The following NT5DC3 variants were observed in gnomAD, a reference collection of about 807,000 sequenced individuals.
NT5DC3 encodes the protein 5'-nucleotidase domain containing 3.
Under a neutral mutation model 67.8 loss-of-function variants are expected in NT5DC3, and 42 were observed. That is an observed-to-expected ratio of 0.62 (90% CI 0.48 to 0.80). The LOEUF (loss-of-function observed/expected upper bound fraction) is 0.80. NT5DC3 is among the 30% of genes least tolerant of loss of function. The pLI is 0.00. For missense variants in NT5DC3, 570 were observed against 696.4 expected (o/e 0.82, Z 2.04); for synonymous variants, 237 against 255.6 (o/e 0.93, Z 0.69).
At chr12:103,818,145 G>C (rs919285862) in intron 1 of NT5DC3, among the ~76,000 whole-genome samples, 1 of 152,142 alleles carries the variant, frequency 6.6e-6, no homozygotes, top group Admixed American at 6.6e-5. Flanking sequence ...CCTATTCATG[G>C]CTCCCAATTA....
intron 2 of NT5DC3, among the ~76,000 whole-genome samples, chr12:103,809,628 T>C (rs908257698): frequency 1.3e-5 from 2 of 152,186 alleles, no homozygotes; most frequent in Non-Finnish European, 2.9e-5. Context: ...AGAACTCGGC[T>C]TTATAACACC....
intron 9 of NT5DC3, among the ~76,000 whole-genome samples, chr12:103,791,380 C>T (rs1440287371): frequency 6.6e-6 from 1 of 152,114 alleles, no homozygotes; most frequent in Non-Finnish European, 1.5e-5. Flanking sequence ...GGCCCCCAAC[C>T]TCCCCCACTT....
At chr12:103,778,989 G>C (rs147950006) in intron 13 of NT5DC3, among the ~76,000 whole-genome samples, 79 of 152,120 alleles carry the variant, frequency 5.2e-4, no homozygotes, top group African/African-American at 2.7e-4. Flanking sequence ...GTACACAGAG[G>C]AATACGGAAT....
chr12:103,827,727 C>T (rs1454348765), intron 1 of NT5DC3, among the ~76,000 whole-genome samples: 1 of 152,086 alleles, frequency 6.6e-6, no homozygotes, highest in African/African-American at 2.4e-5. Flanking sequence ...CCTATAAAAC[C>T]CAGCTTGATC....
Position 103,777,496 on chromosome 12 carries a change from T to C in NT5DC3, c.*333A>G. On this transcript the variant is annotated 3_prime_UTR_variant, in exon 14 of 14. Coordinates refer to ENST00000392876, the MANE Select transcript of NT5DC3 (RefSeq NM_001031701.3). Reference sequence around the variant, plus strand: ...GTTCCATGGAGGAGTCAAGAACCGTTTCAAGCTTGACCTGCTAGAATACAG... The same window carrying C: ...GTTCCATGGAGGAGTCAAGAACCGTCTCAAGCTTGACCTGCTAGAATACAG... 3.3e-6 allele frequency: 1 copy of C among 300,138 alleles called. No homozygotes were observed. The highest frequency in any genetic ancestry group is 6.2e-6 in the Non-Finnish European group (1 of 161,744). The allele number at this position is 300,138 out of a possible 1,614,324, so 18.6% of individuals were successfully genotyped here. A position where few individuals can be genotyped will look rare whatever the true frequency, so the allele number is the denominator to read the frequency against.
chr12:103,756,221 C>T, the NT5DC3 span, among the ~76,000 whole-genome samples: 37,225 of 152,100 alleles, frequency 0.24, 5,103 homozygotes, highest in East Asian at 0.48. Context: ...CTTAAAGTCA[C>T]GTCAATATTC....
chr12:103,807,122 T>A (rs1006270908), intron 2 of NT5DC3, among the ~76,000 whole-genome samples, 193 bp from the exon 3 acceptor site: 2 of 152,148 alleles, frequency 1.3e-5, no homozygotes, highest in African/African-American at 4.8e-5. Context: ...GCCAGAGCCT[T>A]CCATCCTGCC....
the NT5DC3 span, chr12:103,763,454 G>A: frequency 6.3e-7 from 1 of 1,597,034 alleles, no homozygotes; most frequent in Non-Finnish European, 8.6e-7. Flanking sequence ...TCCTGCTTTG[G>A]GGATGCTCCT....
At chr12:103,814,580 TCTC>T (rs1348565199) in intron 2 of NT5DC3, among the ~76,000 whole-genome samples, 1 of 152,182 alleles carries the variant, frequency 6.6e-6, no homozygotes, top group Non-Finnish European at 1.5e-5. Flanking sequence ...AGGTAAAACA[TCTC>T]CTATCATTTG....
Position 103,778,181 on chromosome 12 carries a change from A to C in NT5DC3, c.1395-100T>G, listed in dbSNP as rs1336735963. ...ATCACTTCTTTTTTTAAAAAAAAAA[A>C]ATAGGACTCATTTGAGAAACATGTT... On this transcript the variant is annotated intron_variant, in intron 13 of 13. Transcript: ENST00000392876. 5 of 1,279,138 alleles carry C rather than the reference A, an allele frequency of 3.9e-6. No homozygotes were observed. The African/African-American group carries it at 7.6e-5, about 19-fold the overall frequency. 79.2% of individuals were successfully genotyped at this position (1,279,138 alleles called of 1,614,324 possible).
At chr12:103,807,202 T>C (rs1886837583) in intron 2 of NT5DC3, among the ~76,000 whole-genome samples, 1 of 151,854 alleles carries the variant, frequency 6.6e-6, no homozygotes, top group African/African-American at 2.4e-5. Flanking sequence ...CTCTCAACTC[T>C]CTCCTCTCTT....
rs950745631 is a variant in NT5DC3 at position 103,837,431 on chromosome 12, CA to C, written c.208+3517del. ...TCTGCAGGCGGCTTAAAGTTCCCCT[CA>C]AAAAAAAATGGGTTTTTCTTTTCTA... On this transcript the variant is annotated intron_variant, in intron 1 of 13. Coordinates refer to ENST00000392876, the MANE Select transcript of NT5DC3 (RefSeq NM_001031701.3). Among the ~76,000 whole-genome samples, 55 of 150,882 alleles carry C rather than the reference CA, an allele frequency of 3.6e-4. 1 individual carries two copies. The South Asian group carries it at 7.8e-3, about 21-fold the overall frequency.
rs1885499380 is a variant in NT5DC3, at chr12:103,780,338, C to T, written c.1356G>A (p.Leu452=). 6.2e-7 allele frequency: 1 copy of T among 1,614,044 alleles called. No individual in the cohort carries two copies. The highest frequency in any genetic ancestry group is 1.3e-5 in the African/African-American group (1 of 74,932). ...MQVHRDAESQ[L]VLQEWKKERK... is the part of the protein sequence containing the mutation. The stretch of plus-strand genomic sequence containing the variant: ...TTTCCTTTTTCCACTCCTGCAAAAC[C>T]AGCTGTGACTCAGCATCTCTGTGAA... Residue 452 remains leucine, a synonymous_variant, in exon 13 of 14, where the codon CTG becomes CTA. Transcript: ENST00000392876.
chr12:103,748,580 TA>T, the NT5DC3 span, among the ~76,000 whole-genome samples: 1 of 144,676 alleles, frequency 6.9e-6, no homozygotes, highest in African/African-American at 2.6e-5. Context: ...GTACTAACTC[TA>T]CACCACACAC....
chr12:103,766,233 C>G (rs1884952419), downstream of NT5DC3: 3 of 1,610,868 alleles, frequency 1.9e-6, no homozygotes, highest in Non-Finnish European at 1.7e-6. Flanking sequence ...AAAGATTCAA[C>G]TAGGACTCAA....
chr12:103,786,112 CAA>C (rs900132624), intron 11 of NT5DC3, among the ~76,000 whole-genome samples: 14 of 151,962 alleles, frequency 9.2e-5, no homozygotes, highest in Admixed American at 9.2e-4. Flanking sequence ...GAGGATAAAA[CAA>C]TGCACAAAAA....
At chr12:103,759,134 C>A in the NT5DC3 span, 1 of 1,614,028 alleles carries the variant, frequency 6.2e-7, no homozygotes, top group Non-Finnish European at 8.5e-7. Flanking sequence ...TTTTCTCAGA[C>A]CTTGTCTGGG....
chr12:103,834,697 T>TA (rs968284438), intron 1 of NT5DC3, among the ~76,000 whole-genome samples: 1 of 152,144 alleles, frequency 6.6e-6, no homozygotes, highest in African/African-American at 2.4e-5. Context: ...ATAAAGTTTT[T>TA]AAAAAAACTT....
the NT5DC3 span, among the ~76,000 whole-genome samples, chr12:103,753,017 C>T: frequency 6.6e-6 from 1 of 152,176 alleles, no homozygotes; most frequent in African/African-American, 2.4e-5. Flanking sequence ...GCCCTAATTT[C>T]TACAATGAAC....
Sources: allele counts gnomAD v4.1 joint callset (sites outside exome capture counted in the v4.1 genomes callset), GRCh38; gene constraint gnomAD v4.1.1; transcripts MANE v1.5; gene names NCBI Gene and HGNC (gene_info 2026-07-23, HGNC 2026-07-21).